Variants in FHIP2A observed in about 807,000 individuals in gnomAD.
FHIP2A encodes FHF complex subunit HOOK interacting protein 2A, also known as family with sequence similarity 160 member B1.
A neutral mutation model predicts 93.5 loss-of-function variants in FHIP2A; 46 were observed. The observed-to-expected ratio is 0.49, with a 90% CI of 0.39 to 0.63. The LOEUF is 0.63. FHIP2A is among the 20% of genes least tolerant of loss of function. The pLI, the probability that FHIP2A is intolerant of heterozygous loss-of-function variation, is 0.00. For missense variants in FHIP2A, 769 were observed against 909.7 expected, an observed-to-expected ratio of 0.85 and a Z score of 1.99; for synonymous variants, 332 against 326.5, an observed-to-expected ratio of 1.02 and a Z score of -0.18.
intron 1 of FHIP2A, among the ~76,000 whole-genome samples, chr10:114,826,943 G>A (rs563340816): frequency 2.0e-5 from 3 of 152,192 alleles, no homozygotes; most frequent in East Asian, 1.9e-4. Flanking sequence ...GCAATGAGCC[G>A]AGATCACGCC....
chr10:114,897,801 C>T (rs901736991), intron 16 of FHIP2A, among the ~76,000 whole-genome samples: 1 of 152,136 alleles, frequency 6.6e-6, no homozygotes, highest in Non-Finnish European at 1.5e-5. Context: ...CCCAGCTACT[C>T]AGGAGGCTGA....
intron 16 of FHIP2A, among the ~76,000 whole-genome samples, chr10:114,870,048 TATC>T (rs919381309): frequency 1.3e-5 from 2 of 152,210 alleles, no homozygotes; most frequent in African/African-American, 2.4e-5. Context: ...AGCATTTTAA[TATC>T]AACACCATTT....
At chr10:114,882,474 C>G (rs2083921989) in intron 16 of FHIP2A, among the ~76,000 whole-genome samples, 1 of 152,190 alleles carries the variant, frequency 6.6e-6, no homozygotes, top group Admixed American at 6.5e-5. Flanking sequence ...CTACAAAGGA[C>G]ATTCCAAGAA....
chr10:114,843,609 T>C (rs936124617), intron 6 of FHIP2A, 132 bp from the exon 7 acceptor site: 163 of 732,634 alleles, frequency 2.2e-4, no homozygotes, highest in Non-Finnish European at 2.7e-4. Flanking sequence ...TGGCCAATAA[T>C]ATGCATTTAA....
chr10:114,846,546 AT>A lies in FHIP2A; in HGVS notation c.1399-9del. 6.4e-7 allele frequency: 1 copy of A among 1,570,438 alleles called. No individual in the cohort carries two copies. The highest frequency in any genetic ancestry group is 8.6e-7 in the Non-Finnish European group (1 of 1,161,980). Reference sequence around the variant, plus strand: ...GACATTTTTCAGTTAGCTTTTATCAATTTTGGTTTCAGATAAGCATAATGAC... The same window carrying A: ...GACATTTTTCAGTTAGCTTTTATCAATTTGGTTTCAGATAAGCATAATGAC... On this transcript the variant is annotated splice_polypyrimidine_tract_variant and intron_variant, in intron 10 of 16. Coordinates refer to ENST00000369248, the MANE Select transcript of FHIP2A (RefSeq NM_020940.4).
At chr10:114,899,494 A>G (rs10885629) in exon 17 of FHIP2A, 399,895 of 717,606 alleles carry the variant, frequency 0.56, 115,654 homozygotes, top group African/African-American at 0.81. Flanking sequence ...CCTCAGGCAG[A>G]CGTTGCCTTC....
chr10:114,894,711 C>G (rs564485567), intron 16 of FHIP2A, among the ~76,000 whole-genome samples: 4 of 152,150 alleles, frequency 2.6e-5, no homozygotes, highest in African/African-American at 9.6e-5. Flanking sequence ...TTAGTGGGGA[C>G]TATCAATGCA....
intron 1 of FHIP2A, among the ~76,000 whole-genome samples, chr10:114,824,293 A>G (rs1213472965): frequency 6.6e-6 from 1 of 152,122 alleles, no homozygotes; most frequent in Non-Finnish European, 1.5e-5. Flanking sequence ...GTAAAGGCTC[A>G]TTTTTATCCG....
At chr10:114,840,456 ATGT>A (rs2083662459) in intron 5 of FHIP2A, among the ~76,000 whole-genome samples, 1 of 152,176 alleles carries the variant, frequency 6.6e-6, no homozygotes, top group African/African-American at 2.4e-5. Flanking sequence ...TTGAGCAGGG[ATGT>A]TATTATGTGA....
intron 2 of FHIP2A, among the ~76,000 whole-genome samples, chr10:114,831,956 G>A (rs942246480): frequency 6.6e-6 from 1 of 152,166 alleles, no homozygotes; most frequent in African/African-American, 2.4e-5. Context: ...ATAAGGCTTA[G>A]TGTTATGGTT....
chr10:114,862,452 A>G lies in FHIP2A; in HGVS notation c.*912A>G. 2 of 987,552 alleles carry G rather than the reference A, an allele frequency of 2.0e-6. No homozygotes were observed. Among genetic ancestry groups the G allele is most frequent in the Non-Finnish European group, 2.4e-6 (2 of 830,082 alleles). 61.2% of individuals were successfully genotyped at this position (987,552 alleles called of 1,614,324 possible). On this transcript the variant is annotated 3_prime_UTR_variant, in exon 17 of 17. Coordinates refer to ENST00000369248, the MANE Select transcript of FHIP2A (RefSeq NM_020940.4). ...ATGGTGGTGTCTAGGTGGGGAACTG[A>G]CTGATAACCCTTGGCAGCAATCAAA...
At chr10:114,859,205 GAAAGACTAAA>G (rs2083783622) in intron 14 of FHIP2A, among the ~76,000 whole-genome samples, 1 of 151,910 alleles carries the variant, frequency 6.6e-6, no homozygotes, top group Non-Finnish European at 1.5e-5. Flanking sequence ...TAGTAAGTTA[GAAAGACTAAA>G]ATGGGCCTTA....
At chr10:114,890,685 A>C (rs187748628) in intron 16 of FHIP2A, among the ~76,000 whole-genome samples, 32 of 148,092 alleles carry the variant, frequency 2.2e-4, no homozygotes, top group African/African-American at 7.6e-4. Context: ...TATATGACAT[A>C]TAGTATATAA....
chr10:114,864,885 T>C (rs2143013645), downstream of FHIP2A, among the ~76,000 whole-genome samples: 1 of 152,318 alleles, frequency 6.6e-6, no homozygotes, highest in Non-Finnish European at 1.5e-5. Flanking sequence ...TATCTATTTG[T>C]GGAGGAGAGA....
At chr10:114,848,583 A>G in intron 12 of FHIP2A, 64 bp from the exon 13 acceptor site, 1 of 941,824 alleles carries the variant, frequency 1.1e-6, no homozygotes, top group South Asian at 1.4e-5. Flanking sequence ...TTTCACTTCT[A>G]CTTTTTCCTT....
intron 5 of FHIP2A, among the ~76,000 whole-genome samples, chr10:114,841,197 G>A (rs535130799): frequency 1.3e-5 from 2 of 151,758 alleles, no homozygotes; most frequent in East Asian, 3.9e-4. Context: ...CCTTCCTCTT[G>A]CTGTTCTTAT....
intron 1 of FHIP2A, among the ~76,000 whole-genome samples, chr10:114,822,598 G>C (rs2083540111): frequency 6.6e-6 from 1 of 152,238 alleles, no homozygotes; most frequent in African/African-American, 2.4e-5. Flanking sequence ...TTTTGTTTTG[G>C]TTTTCGGGGG....
Position 114,862,299 on chromosome 10 carries a change from T to C in FHIP2A, c.*759T>C. Reference sequence around the variant, plus strand: ...TGTTCAATTTGCTCACCATTGGTAGTGTTTGCTAAAATTGTATTTTTTTAA... The same window carrying C: ...TGTTCAATTTGCTCACCATTGGTAGCGTTTGCTAAAATTGTATTTTTTTAA... On this transcript the variant is annotated 3_prime_UTR_variant, in exon 17 of 17. Transcript: ENST00000369248. 1 of 987,496 alleles carries C rather than the reference T, an allele frequency of 1.0e-6. No individual in the cohort carries two copies. 61.2% of individuals were successfully genotyped at this position (987,496 alleles called of 1,614,324 possible).
chr10:114,850,878 A>G (rs1197230738), intron 13 of FHIP2A, among the ~76,000 whole-genome samples: 1 of 152,098 alleles, frequency 6.6e-6, no homozygotes, highest in Non-Finnish European at 1.5e-5. Flanking sequence ...GTCCTTCAAC[A>G]CACAAAAGTT....
Sources: gnomAD v4.1 joint callset for allele counts (sites outside exome capture counted in the v4.1 genomes callset) on GRCh38, gnomAD v4.1.1 for gene constraint, MANE v1.5 for transcripts, NCBI Gene and HGNC (gene_info 2026-07-23, HGNC 2026-07-21) for gene names.